The following CACNB2 variants were observed in gnomAD, a reference collection of about 807,000 sequenced individuals.
The protein encoded by CACNB2 is calcium voltage-gated channel auxiliary subunit beta 2.
Under a neutral mutation model 73.3 loss-of-function variants are expected in CACNB2, and 42 were observed. That is an observed-to-expected ratio of 0.57 (90% CI 0.45 to 0.74). The LOEUF (loss-of-function observed/expected upper bound fraction) is 0.74. CACNB2 is among the 30% of genes least tolerant of loss of function. The pLI is 0.00. For missense variants in CACNB2, 940 were observed against 853.0 expected (o/e 1.10, Z -1.27); for synonymous variants, 348 against 310.3 (o/e 1.12, Z -1.28).
chr10:18,411,435 T>C (rs894453427), intron 3 of CACNB2, among the ~76,000 whole-genome samples: 2 of 151,898 alleles, frequency 1.3e-5, no homozygotes, highest in African/African-American at 4.8e-5. Context: ...TAGCACTTAA[T>C]GCCCAATCAC....
chr10:18,274,012 A>G (rs1443908167), intron 2 of CACNB2, among the ~76,000 whole-genome samples: 3 of 152,134 alleles, frequency 2.0e-5, no homozygotes, highest in Non-Finnish European at 4.4e-5. Flanking sequence ...GGAAAGACAC[A>G]ATTTGGATTT....
At chr10:18,448,497 A>AAAAAG (rs1222775786) in intron 3 of CACNB2, among the ~76,000 whole-genome samples, 10 of 141,470 alleles carry the variant, frequency 7.1e-5, no homozygotes, top group Non-Finnish European at 1.2e-4. Context: ...AAAAAAAAAA[A>AAAAAG]AAAAGAAAAG....
chr10:18,339,966 C>T (rs140058816), intron 2 of CACNB2, among the ~76,000 whole-genome samples: 7 of 152,232 alleles, frequency 4.6e-5, no homozygotes, highest in Admixed American at 1.3e-4. Context: ...AATATTTCCA[C>T]CATGATGGAT....
chr10:18,142,598 A>G (rs1400297114), intron 1 of CACNB2, among the ~76,000 whole-genome samples: 1 of 152,208 alleles, frequency 6.6e-6, no homozygotes. Context: ...CTTGAGGGAT[A>G]TTTTAGAAAA....
chr10:18,179,646 T>C (rs1459075309), intron 2 of CACNB2, among the ~76,000 whole-genome samples: 4 of 152,184 alleles, frequency 2.6e-5, no homozygotes, highest in Non-Finnish European at 5.9e-5. Context: ...AAGTGCTTAA[T>C]TTAGCACTGT....
intron 2 of CACNB2, among the ~76,000 whole-genome samples, chr10:18,315,519 A>AAAAC (rs2040142273): frequency 7.5e-6 from 1 of 133,900 alleles, no homozygotes; most frequent in Admixed American, 8.1e-5. Context: ...AAAAAAAAAA[A>AAAAC]AAAAAAAAAC....
At position 18,403,136 on chromosome 10, in the gene CACNB2, G is replaced by A. The variant is rs147776923; in HGVS notation, c.333+1093G>A. Among the ~76,000 whole-genome samples, 904 of 152,256 alleles carry A rather than the reference G, an allele frequency of 5.9e-3. 6 individuals are homozygous for A. The highest frequency in any genetic ancestry group is 0.02 in the Middle Eastern group (6 of 294). Reference sequence around the variant, plus strand: ...ATGATGTTCTTACCTCGCCTGGCAGGGAAATTTTCTCCAGGACTGACAGTC... The same window carrying A: ...ATGATGTTCTTACCTCGCCTGGCAGAGAAATTTTCTCCAGGACTGACAGTC... On this transcript the variant is annotated intron_variant, in intron 3 of 13. Transcript: ENST00000324631.
intron 2 of CACNB2, among the ~76,000 whole-genome samples, chr10:18,198,696 T>C (rs913151194): frequency 6.6e-6 from 1 of 152,206 alleles, no homozygotes; most frequent in African/African-American, 2.4e-5. Flanking sequence ...GGTTTTCTAC[T>C]CATGCTCTGA....
intron 2 of CACNB2, among the ~76,000 whole-genome samples, chr10:18,226,921 T>C (rs962350115): frequency 1.3e-5 from 2 of 151,900 alleles, no homozygotes; most frequent in Non-Finnish European, 2.9e-5. Context: ...CCTGGGAATA[T>C]GGAAAAAAAG....
At chr10:18,480,926 T>C (rs994861495) in intron 3 of CACNB2, among the ~76,000 whole-genome samples, 2 of 152,072 alleles carry the variant, frequency 1.3e-5, no homozygotes, top group African/African-American at 2.4e-5. Context: ...GTTTTAGATA[T>C]GTTTTTAATA....
chr10:18,162,375 T>C (rs1225500719), intron 2 of CACNB2, among the ~76,000 whole-genome samples: 1 of 152,120 alleles, frequency 6.6e-6, no homozygotes, highest in Non-Finnish European at 1.5e-5. Context: ...GAATTATTAC[T>C]TGTCAGGAAA....
chr10:18,189,589 G>T (rs2034304963), intron 2 of CACNB2, among the ~76,000 whole-genome samples: 1 of 152,208 alleles, frequency 6.6e-6, no homozygotes, highest in East Asian at 1.9e-4. Flanking sequence ...ATTTGATTTT[G>T]TAGTAGTACC....
At chr10:18,150,857 T>TTTTG in intron 1 of CACNB2, 26 bp from the exon 2 acceptor site, 1 of 393,348 alleles carries the variant, frequency 2.5e-6, no homozygotes, top group Non-Finnish European at 3.9e-6. Flanking sequence ...TTATTTGTCT[T>TTTTG]TTTTTTTTTT....
At chr10:18,410,182 T>G (rs1409344800) in intron 3 of CACNB2, among the ~76,000 whole-genome samples, 2 of 152,176 alleles carry the variant, frequency 1.3e-5, no homozygotes, top group African/African-American at 2.4e-5. Context: ...ATTCTAACAC[T>G]TTCTACTCTG....
At chr10:18,362,133 A>G (rs2042168372) in intron 2 of CACNB2, among the ~76,000 whole-genome samples, 1 of 152,168 alleles carries the variant, frequency 6.6e-6, no homozygotes, top group African/African-American at 2.4e-5. Context: ...ATTAACACTC[A>G]GTTTATCTAG....
intron 3 of CACNB2, among the ~76,000 whole-genome samples, chr10:18,442,988 A>ATG (rs2046531030): frequency 4.2e-5 from 1 of 23,768 alleles, no homozygotes; most frequent in Non-Finnish European, 6.6e-5. Context: ...ATATATATGT[A>ATG]TATATATATG....
chr10:18,281,200 G>T (rs2038530805), intron 2 of CACNB2, among the ~76,000 whole-genome samples: 1 of 152,168 alleles, frequency 6.6e-6, no homozygotes, highest in Non-Finnish European at 1.5e-5. Flanking sequence ...TTAGGATAAA[G>T]CGTGCCTCAA....
intron 2 of CACNB2, among the ~76,000 whole-genome samples, chr10:18,210,988 C>G (rs1403502253): frequency 6.6e-6 from 1 of 152,132 alleles, no homozygotes; most frequent in Non-Finnish European, 1.5e-5. Flanking sequence ...TACATGGACA[C>G]CATTGGAGTA....
chr10:18,308,202 C>CAGG (rs750116717), intron 2 of CACNB2, among the ~76,000 whole-genome samples: 11 of 151,886 alleles, frequency 7.2e-5, no homozygotes, highest in Non-Finnish European at 1.3e-4. Context: ...CCATGTTGGC[C>CAGG]AGGCTAGTCT....
Sources: gnomAD v4.1 joint callset for allele counts (sites outside exome capture counted in the v4.1 genomes callset) on GRCh38, gnomAD v4.1.1 for gene constraint, MANE v1.5 for transcripts, NCBI Gene and HGNC (gene_info 2026-07-23, HGNC 2026-07-21) for gene names.